PTPRN2: variants seen among roughly 807,000 people sequenced by gnomAD.
PTPRN2 encodes the protein receptor-type tyrosine-protein phosphatase N2.
In PTPRN2, 74 loss-of-function variants were observed where a neutral mutation model predicts 118.8. The ratio of observed to expected loss-of-function variants is 0.62; its 90% CI spans 0.52 to 0.76. The LOEUF (loss-of-function observed/expected upper bound fraction) is 0.76, where lower values mean the gene tolerates loss of function less well. Among genes scored for constraint, PTPRN2 ranks in the 30% least tolerant of loss-of-function variants. PTPRN2 has a pLI of 0.00. For missense variants in PTPRN2, 1,481 were observed against 1,394.4 expected (o/e 1.06, Z -0.99); for synonymous variants, 641 against 608.0 (o/e 1.05, Z -0.80).
At chr7:157,551,573 C>G (rs1798606882) in intron 21 of PTPRN2, among the ~76,000 whole-genome samples, 1 of 139,432 alleles carries the variant, frequency 7.2e-6, no homozygotes, top group Non-Finnish European at 1.6e-5. Flanking sequence ...CACCCCACAG[C>G]CATCACACAC....
chr7:157,748,210 GT>G (rs1360191444), intron 12 of PTPRN2, among the ~76,000 whole-genome samples: 1 of 149,386 alleles, frequency 6.7e-6, no homozygotes, highest in Non-Finnish European at 1.5e-5. Flanking sequence ...GCTGTGAGCT[GT>G]TGAGGTAATT....
chr7:158,285,677 C>T (rs934967369), intron 3 of PTPRN2, among the ~76,000 whole-genome samples: 3 of 152,214 alleles, frequency 2.0e-5, no homozygotes. Context: ...GTGTGAAGAG[C>T]CCTTATGCTC....
chr7:157,620,195 G>A (rs1803068156), intron 15 of PTPRN2, among the ~76,000 whole-genome samples: 1 of 152,248 alleles, frequency 6.6e-6, no homozygotes, highest in Non-Finnish European at 1.5e-5. Context: ...TCCTCCTGGC[G>A]GGTGGGTTTA....
intron 2 of PTPRN2, among the ~76,000 whole-genome samples, chr7:158,340,042 A>T (rs1198453192): frequency 2.6e-5 from 2 of 77,664 alleles, no homozygotes; most frequent in African/African-American, 9.4e-5. Flanking sequence ...ACATATGCAG[A>T]CGTCACTCAC....
intron 11 of PTPRN2, among the ~76,000 whole-genome samples, chr7:157,972,859 A>AGG (rs1225009826): frequency 4.6e-5 from 2 of 43,306 alleles, no homozygotes; most frequent in Non-Finnish European, 4.6e-5. Context: ...GAGACCGCAG[A>AGG]AACTCCACAC....
intron 5 of PTPRN2, among the ~76,000 whole-genome samples, chr7:158,189,368 A>G (rs1244528199): frequency 6.6e-6 from 1 of 152,232 alleles, no homozygotes; most frequent in Non-Finnish European, 1.5e-5. Context: ...GAGGAGCATG[A>G]TGATGGGTTC....
At chr7:158,401,247 T>A (rs563062352) in intron 2 of PTPRN2, among the ~76,000 whole-genome samples, 11 of 152,322 alleles carry the variant, frequency 7.2e-5, no homozygotes, top group African/African-American at 2.6e-4. Context: ...GAAGGCTGTG[T>A]GTATGGAGGC....
intron 14 of PTPRN2, among the ~76,000 whole-genome samples, chr7:157,654,566 A>G (rs1424945415): frequency 6.6e-6 from 1 of 151,612 alleles, no homozygotes; most frequent in Non-Finnish European, 1.5e-5. Context: ...CCGAAACAGG[A>G]CCCCGTCACG....
At chr7:157,920,602 G>A (rs1798645334) in intron 11 of PTPRN2, among the ~76,000 whole-genome samples, 1 of 152,230 alleles carries the variant, frequency 6.6e-6, no homozygotes, top group African/African-American at 2.4e-5. Context: ...CATTTTATAA[G>A]CCAAAAGTTA....
chr7:158,451,544 T>C (rs759408870), intron 2 of PTPRN2, among the ~76,000 whole-genome samples: 7 of 152,248 alleles, frequency 4.6e-5, no homozygotes, highest in Non-Finnish European at 1.0e-4. Flanking sequence ...GTTCATCTTC[T>C]TCTAATATGG....
intron 12 of PTPRN2, among the ~76,000 whole-genome samples, chr7:157,806,807 G>A (rs1252664077): frequency 5.9e-5 from 9 of 152,216 alleles, no homozygotes; most frequent in East Asian, 3.9e-4. Flanking sequence ...ACCACGGCCC[G>A]GTGGTCTGCA....
chr7:158,273,754 G>A (rs558743556), intron 3 of PTPRN2, among the ~76,000 whole-genome samples: 272 of 137,240 alleles, frequency 2.0e-3, no homozygotes, highest in African/African-American at 6.8e-3. Flanking sequence ...GACACAGGGG[G>A]AGCCACAGAC....
Position 158,054,052 on chromosome 7 carries a change from C to G in PTPRN2, c.1723+27246G>C, listed in dbSNP as rs187550019. Among the ~76,000 whole-genome samples the G allele has an allele frequency of 1.6e-3, 244 of 150,024 alleles. 7 individuals are homozygous for G. Among genetic ancestry groups the G allele is most frequent in the African/African-American group, 5.9e-3 (235 of 39,970 alleles). ...CAGAGATGCAGAGACCCCAGAGATGCAGAGATCCTAGAGATGGAGAGACCC... is the reference window on the plus strand; with the variant it reads ...CAGAGATGCAGAGACCCCAGAGATGGAGAGATCCTAGAGATGGAGAGACCC... On this transcript the variant is annotated intron_variant, in intron 11 of 22. Coordinates refer to ENST00000389418, the MANE Select transcript of PTPRN2 (RefSeq NM_002847.5).
At chr7:158,144,740 G>A (rs991868915) in intron 6 of PTPRN2, among the ~76,000 whole-genome samples, 2 of 152,212 alleles carry the variant, frequency 1.3e-5, no homozygotes, top group African/African-American at 2.4e-5. Flanking sequence ...CACCCCGAGG[G>A]AAGAGGCTGC....
intron 11 of PTPRN2, among the ~76,000 whole-genome samples, chr7:157,910,103 G>A (rs1371661196): frequency 6.6e-6 from 1 of 152,268 alleles, no homozygotes; most frequent in Non-Finnish European, 1.5e-5. Context: ...AAGGATATCT[G>A]AGGATTCCTG....
At chr7:157,725,649 T>A (rs889537092) in intron 12 of PTPRN2, among the ~76,000 whole-genome samples, 1 of 129,838 alleles carries the variant, frequency 7.7e-6, no homozygotes, top group Non-Finnish European at 1.6e-5. Flanking sequence ...CCAGGAGAAC[T>A]GGATATCTAC....
At chr7:158,007,087 G>A (rs973113872) in intron 11 of PTPRN2, among the ~76,000 whole-genome samples, 13 of 152,190 alleles carry the variant, frequency 8.5e-5, no homozygotes, top group African/African-American at 1.2e-4. Context: ...TCCTCACGTG[G>A]CTTCTTCTCC....
chr7:157,612,954 C>G (rs1161903798), intron 15 of PTPRN2, among the ~76,000 whole-genome samples: 1 of 152,086 alleles, frequency 6.6e-6, no homozygotes. Context: ...CCCGGGTCTG[C>G]GGCTCCGTGA....
chr7:158,341,177 C>G (rs1586384377), intron 2 of PTPRN2, among the ~76,000 whole-genome samples: 1 of 150,462 alleles, frequency 6.6e-6, no homozygotes, highest in African/African-American at 2.5e-5. Flanking sequence ...GTCACTCACA[C>G]CCACACTCTC....
Sources: gnomAD v4.1 joint callset for allele counts (sites outside exome capture counted in the v4.1 genomes callset) on GRCh38, gnomAD v4.1.1 for gene constraint, MANE v1.5 for transcripts, NCBI Gene and HGNC (gene_info 2026-07-23, HGNC 2026-07-21) for gene names.